The following NFAM1 variants were observed in gnomAD, a reference collection of about 807,000 sequenced individuals.
The protein encoded by NFAM1 is NFAT activating protein with ITAM motif 1.
NFAM1 carries 17 observed loss-of-function variants against 29.0 expected under a neutral mutation model. The observed-to-expected ratio is 0.59, with a 90% CI of 0.40 to 0.88. The LOEUF (loss-of-function observed/expected upper bound fraction) is 0.88, where lower values mean the gene tolerates loss of function less well. Among genes scored for constraint, NFAM1 ranks in the 40% least tolerant of loss-of-function variants. The probability of loss-of-function intolerance (pLI) is 0.00; values close to 1 mark genes in which losing one functional copy is unlikely to be tolerated. For missense variants in NFAM1, 324 were observed against 344.6 expected (o/e 0.94, Z 0.47); for synonymous variants, 175 against 147.2 (o/e 1.19, Z -1.36).
intron 1 of NFAM1, among the ~76,000 whole-genome samples, chr22:42,415,430 G>T (rs1930228698): frequency 3.3e-5 from 5 of 151,606 alleles, no homozygotes; most frequent in Admixed American, 6.6e-5. Flanking sequence ...CTTCCGAGCA[G>T]CTGGGACCAC....
rs869262500 is a variant in NFAM1, at chr22:42,419,990, G to GTTTTTTTTTTTTTT, written c.122-8268_122-8255dup. Among the ~76,000 whole-genome samples, 10 of 30,522 alleles carry GTTTTTTTTTTTTTT rather than the reference G, an allele frequency of 3.3e-4. 5 individuals carry two copies. Among genetic ancestry groups the GTTTTTTTTTTTTTT allele is most frequent in the Admixed American group, 1.1e-3 (2 of 1,850 alleles). 20.0% of individuals were successfully genotyped at this position (30,522 alleles called of 152,430 possible). ...CTTTGAGTCTGTAATCCCACTCTTG[G>GTTTTTTTTTTTTTT]TTTTTTTTTTTTTTTTTTTTTTTTT... On this transcript the variant is annotated intron_variant, in intron 1 of 5. Coordinates refer to ENST00000329021, the MANE Select transcript of NFAM1 (RefSeq NM_145912.8). This position sits in a 1 kb window ranked among gnomAD's most constrained non-coding sequence, Gnocchi z 4.5.
At chr22:42,431,775 T>TCCCCCCCCCCC (rs34684252) in intron 1 of NFAM1, among the ~76,000 whole-genome samples, 8 of 146,696 alleles carry the variant, frequency 5.5e-5, no homozygotes, top group South Asian at 2.2e-4. Flanking sequence ...GGCCCTGGTA[T>TCCCCCCCCCCC]CCCCCCCTCC....
At chr22:42,436,966 T>A (rs536634423), upstream of NFAM1, 915 of 976,496 alleles carry the variant, frequency 9.4e-4, 3 homozygotes, top group Non-Finnish European at 1.1e-3. Context: ...CTGCTTGAGG[T>A]CACAGAGGGG....
chr22:42,397,777 G>A, intron 4 of NFAM1, 81 bp downstream of exon 4: 1 of 825,992 alleles, frequency 1.2e-6, no homozygotes, highest in South Asian at 1.4e-5. Flanking sequence ...GTACAAGACT[G>A]AGCCAGACAG....
At chr22:42,424,111 T>C (rs1930536621) in intron 1 of NFAM1, among the ~76,000 whole-genome samples, 1 of 150,634 alleles carries the variant, frequency 6.6e-6, no homozygotes, top group African/African-American at 2.4e-5. Context: ...AGACCCCATC[T>C]CTTTAAAAAA....
upstream of NFAM1, chr22:42,436,919 C>G (rs1930954369): frequency 8.7e-6 from 6 of 690,568 alleles, no homozygotes; most frequent in Admixed American, 6.3e-5. Flanking sequence ...TACGCCTCAG[C>G]TGACATATTT....
At chr22:42,406,566 T>A (rs1311488447) in intron 3 of NFAM1, among the ~76,000 whole-genome samples, 2 of 152,110 alleles carry the variant, frequency 1.3e-5, no homozygotes, top group Non-Finnish European at 2.9e-5. Flanking sequence ...CTGCATCCAC[T>A]ATTCTCCCAC....
upstream of NFAM1, among the ~76,000 whole-genome samples, chr22:42,437,263 C>T (rs926573937): frequency 2.4e-4 from 36 of 151,728 alleles, no homozygotes; most frequent in Admixed American, 1.1e-3. Flanking sequence ...CTGTCTCAGC[C>T]TCCCAAGCAG....
intron 1 of NFAM1, among the ~76,000 whole-genome samples, chr22:42,426,586 C>A (rs1037473344): frequency 6.6e-6 from 1 of 152,210 alleles, no homozygotes; most frequent in Admixed American, 6.5e-5. Context: ...TGGGGCCTGG[C>A]CCTCCAGGCC....
At chr22:42,400,543 G>A (rs764968361) in intron 3 of NFAM1, among the ~76,000 whole-genome samples, 5 of 152,186 alleles carry the variant, frequency 3.3e-5, no homozygotes, top group Non-Finnish European at 7.3e-5. Context: ...CTTGAACCTG[G>A]GAGGTGGAGG....
intron 5 of NFAM1, among the ~76,000 whole-genome samples, chr22:42,386,444 AAAG>A (rs1348042001): frequency 3.6e-5 from 5 of 140,448 alleles, no homozygotes; most frequent in African/African-American, 1.3e-4. Context: ...AAACAAAAAA[AAAG>A]AGAGAAAGTA....
chr22:42,398,410 T>C (rs903122849), intron 3 of NFAM1, among the ~76,000 whole-genome samples: 2 of 147,906 alleles, frequency 1.4e-5, no homozygotes, highest in Non-Finnish European at 3.0e-5. Flanking sequence ...ATTATTATTA[T>C]TATTATTATT....
chr22:42,398,070 A>T lies in NFAM1; in HGVS notation c.565-114T>A. 6 of 600,066 alleles carry T rather than the reference A, an allele frequency of 1.0e-5. No individual in the cohort carries two copies. The South Asian group carries it at 1.2e-4, about 12-fold the overall frequency. The allele number at this position is 600,066 out of a possible 1,614,324, so 37.2% of individuals were successfully genotyped here. On this transcript the variant is annotated intron_variant, in intron 3 of 5. Transcript: ENST00000329021. ...TCATGAGGTCACACAGAGATTCATC[A>T]CTCAGTCCCTCCCACTCACCCTCTC...
upstream of NFAM1, among the ~76,000 whole-genome samples, chr22:42,434,269 A>C (rs181035988): frequency 7.2e-5 from 11 of 152,262 alleles, no homozygotes; most frequent in East Asian, 1.9e-3. Flanking sequence ...ATGGGTGAGC[A>C]TAAGGCAGGG....
At chr22:42,401,472 G>C (rs935448733) in intron 3 of NFAM1, among the ~76,000 whole-genome samples, 1 of 152,134 alleles carries the variant, frequency 6.6e-6, no homozygotes, top group Non-Finnish European at 1.5e-5. Flanking sequence ...GGTTGGGGCT[G>C]GCAAGGGGAG....
chr22:42,410,369 A>G, intron 2 of NFAM1: 1 of 352,394 alleles, frequency 2.8e-6, no homozygotes, highest in Non-Finnish European at 5.7e-6. Flanking sequence ...TGAGAATGTG[A>G]TGAAAACTGG....
chr22:42,410,657 T>TC (rs1930052034), intron 2 of NFAM1, among the ~76,000 whole-genome samples: 1 of 112,866 alleles, frequency 8.9e-6, no homozygotes, highest in African/African-American at 4.6e-5. Flanking sequence ...AGACTCTGTC[T>TC]CAAAAAAAAA....
chr22:42,385,398 T>C (rs544192827), intron 5 of NFAM1, among the ~76,000 whole-genome samples, 178 bp from the exon 6 acceptor site: 1 of 144,624 alleles, frequency 6.9e-6, no homozygotes, highest in Non-Finnish European at 1.5e-5. Flanking sequence ...CCCACCATGC[T>C]GCCCCCACCC....
intron 1 of NFAM1, among the ~76,000 whole-genome samples, chr22:42,429,355 C>T (rs1930722823): frequency 6.6e-6 from 1 of 152,206 alleles, no homozygotes; most frequent in African/African-American, 2.4e-5. Flanking sequence ...GTGGCTCACG[C>T]CTGTAATCCC....
Sources: gnomAD v4.1 joint callset for allele counts (sites outside exome capture counted in the v4.1 genomes callset) on GRCh38, gnomAD v4.1.1 for gene constraint, Gnocchi (gnomAD v3.1) non-coding constraint, MANE v1.5 for transcripts, NCBI Gene and HGNC (gene_info 2026-07-23, HGNC 2026-07-21) for gene names.